Variants in CDH4 observed in about 807,000 individuals in gnomAD.
CDH4 encodes cadherin 4, also known as cadherin-4.
In CDH4, 33 loss-of-function variants were observed where a neutral mutation model predicts 86.0. That is an observed-to-expected ratio of 0.38 (90% CI 0.29 to 0.51). The LOEUF (loss-of-function observed/expected upper bound fraction) is 0.51, where lower values mean the gene tolerates loss of function less well. Among genes scored for constraint, CDH4 ranks in the 20% least tolerant of loss-of-function variants. The probability of loss-of-function intolerance (pLI) is 0.86; values close to 1 mark genes in which losing one functional copy is unlikely to be tolerated. For missense variants in CDH4, 1,114 were observed against 1,307.4 expected (o/e 0.85, Z 2.28); for synonymous variants, 555 against 549.4 (o/e 1.01, Z -0.14).
In CDH4 at chr20:61,254,739, CT is replaced by C. The variant is rs1285553377; in HGVS notation, c.58-83del. The C allele has an allele frequency of 4.5e-6, 4 of 896,556 alleles. No individual in the cohort carries two copies. In the African/African-American group the frequency reaches 6.6e-5, roughly 15 times the overall value. 55.5% of individuals were successfully genotyped at this position (896,556 alleles called of 1,614,324 possible). On this transcript the variant is annotated intron_variant, in intron 1 of 15. Transcript: ENST00000614565. ...CAGCCTTTCTCTCTTAGCCAGAGACCTTTTACACAGCAGGCCCTGGATGAAT... is the reference window on the plus strand; with the variant it reads ...CAGCCTTTCTCTCTTAGCCAGAGACCTTTACACAGCAGGCCCTGGATGAAT...
chr20:61,565,372 G>C (rs1265260423), intron 2 of CDH4, among the ~76,000 whole-genome samples: 23,908 of 62,084 alleles, frequency 0.39, 8,801 homozygotes, highest in African/African-American at 0.71. Context: ...GATGGTGGTG[G>C]TGGTCCTCTT....
intron 2 of CDH4, among the ~76,000 whole-genome samples, chr20:61,498,632 T>C (rs1007482068): frequency 6.6e-6 from 1 of 152,150 alleles, no homozygotes; most frequent in Admixed American, 6.5e-5. Context: ...ACACACGTAG[T>C]TTAACCAGGA....
intron 2 of CDH4, among the ~76,000 whole-genome samples, chr20:61,384,169 T>C (rs6142784): frequency 0.07 from 10,700 of 152,124 alleles, 787 homozygotes; most frequent in East Asian, 0.38. Context: ...TCCCAGCCCA[T>C]TGACTCAAAT....
intron 2 of CDH4, among the ~76,000 whole-genome samples, chr20:61,511,143 A>T (rs931320983): frequency 1.3e-5 from 2 of 152,232 alleles, no homozygotes; most frequent in African/African-American, 4.8e-5. Context: ...CAAATATCCA[A>T]ACTACATCAT....
chr20:61,452,381 A>G (rs1191140260), intron 2 of CDH4, among the ~76,000 whole-genome samples: 3 of 152,178 alleles, frequency 2.0e-5, no homozygotes, highest in Admixed American at 1.3e-4. Context: ...AGCTTTATGT[A>G]GGGAGCTTGA....
At chr20:61,451,179 C>A (rs1180100629) in intron 2 of CDH4, among the ~76,000 whole-genome samples, 2 of 147,320 alleles carry the variant, frequency 1.4e-5, no homozygotes, top group East Asian at 4.0e-4. Flanking sequence ...TCAATAGAGT[C>A]TTGAGTAACT....
rs2087794184 is a variant in CDH4 at position 61,703,164 on chromosome 20, G to C, written c.170-40399G>C. On this transcript the variant is annotated intron_variant, in intron 2 of 15. Coordinates refer to ENST00000614565, the MANE Select transcript of CDH4 (RefSeq NM_001794.5). The surrounding 1 kb of genome is among the most constrained non-coding windows in gnomAD (Gnocchi z 4.3). ...GGCAGAGACCAAGCTGTGATCAGAA[G>C]TGGGGGCTCTTGGACGAGCTCAGAA... 6.6e-6 allele frequency among the ~76,000 whole-genome samples: 1 copy of C among 152,198 alleles called. No homozygotes were observed. The highest frequency in any genetic ancestry group is 2.1e-4 in the South Asian group (1 of 4,822).
At chr20:61,579,452 G>A (rs552318846) in intron 2 of CDH4, among the ~76,000 whole-genome samples, 2 of 151,986 alleles carry the variant, frequency 1.3e-5, no homozygotes, top group Non-Finnish European at 1.5e-5. Context: ...ATGCCTGGCT[G>A]AGTTTTGTAT....
chr20:61,332,570 C>G (rs1232958449), intron 2 of CDH4, among the ~76,000 whole-genome samples: 3 of 152,250 alleles, frequency 2.0e-5, no homozygotes, highest in Non-Finnish European at 4.4e-5. Flanking sequence ...CCACCCTGGG[C>G]AGCAGGCACT....
chr20:61,387,187 GACAC>G (rs1011091660), intron 2 of CDH4, among the ~76,000 whole-genome samples: 1 of 86,520 alleles, frequency 1.2e-5, no homozygotes, highest in South Asian at 2.7e-4. Flanking sequence ...CACACACACA[GACAC>G]ACACACACAA....
At chr20:61,899,346 T>C (rs1412116706) in intron 8 of CDH4, among the ~76,000 whole-genome samples, 3 of 152,088 alleles carry the variant, frequency 2.0e-5, no homozygotes, top group Non-Finnish European at 4.4e-5. Flanking sequence ...AATGCATACA[T>C]GATAAGACAT....
At chr20:61,276,727 T>TG (rs2084233621) in intron 2 of CDH4, among the ~76,000 whole-genome samples, 2 of 152,202 alleles carry the variant, frequency 1.3e-5, no homozygotes, top group African/African-American at 4.8e-5. Flanking sequence ...ATTCCATCAC[T>TG]GTGGCTCTAA....
intron 2 of CDH4, among the ~76,000 whole-genome samples, chr20:61,375,924 G>T (rs2084867413): frequency 6.6e-6 from 1 of 150,806 alleles, no homozygotes; most frequent in African/African-American, 2.4e-5. Flanking sequence ...TGGTCTTGGT[G>T]CTGGTGATGA....
intron 2 of CDH4, among the ~76,000 whole-genome samples, chr20:61,619,475 T>C (rs780233802): frequency 6.6e-6 from 1 of 152,226 alleles, no homozygotes; most frequent in Non-Finnish European, 1.5e-5. Flanking sequence ...AAAATGATGA[T>C]TAGAACTCTC....
intron 2 of CDH4, among the ~76,000 whole-genome samples, chr20:61,285,345 G>A (rs900865417): frequency 6.7e-6 from 1 of 149,220 alleles, no homozygotes; most frequent in African/African-American, 2.6e-5. Context: ...CATAGAGCAG[G>A]GGCAGGCATC....
chr20:61,309,299 G>A (rs2084433030), intron 2 of CDH4, among the ~76,000 whole-genome samples: 1 of 152,132 alleles, frequency 6.6e-6, no homozygotes, highest in African/African-American at 2.4e-5. Flanking sequence ...ACATGGATGG[G>A]GGCGCCTCAC....
At chr20:61,922,689 C>G (rs903677792) in intron 9 of CDH4, among the ~76,000 whole-genome samples, 2 of 152,220 alleles carry the variant, frequency 1.3e-5, no homozygotes, top group African/African-American at 4.8e-5. Context: ...CTGCCTCACT[C>G]CAGACTGCAC....
intron 2 of CDH4, among the ~76,000 whole-genome samples, chr20:61,716,713 A>C (rs1168999744): frequency 6.6e-6 from 1 of 152,200 alleles, no homozygotes; most frequent in Non-Finnish European, 1.5e-5. Context: ...GTTTGAGACC[A>C]GCCTGGCCAA....
rs912700894 is a variant in CDH4 at position 61,902,567 on chromosome 20, C to T, written c.1188+7520C>T. 6.6e-6 allele frequency among the ~76,000 whole-genome samples: 1 copy of T among 152,240 alleles called. No homozygotes were observed. Among genetic ancestry groups the T allele is most frequent in the Admixed American group, 6.5e-5 (1 of 15,290 alleles). On this transcript the variant is annotated intron_variant, in intron 8 of 15. Transcript: ENST00000614565. This position sits in a 1 kb window ranked among gnomAD's most constrained non-coding sequence, Gnocchi z 4.6. ...ATGGTCTGGAGAGTAAATGTTTGCG[C>T]TTTGGCTGCCGGAAGGTCTCCGTGG...
Sources: allele counts gnomAD v4.1 joint callset (sites outside exome capture counted in the v4.1 genomes callset), GRCh38; gene constraint gnomAD v4.1.1; non-coding constraint Gnocchi (gnomAD v3.1); transcripts MANE v1.5; gene names NCBI Gene and HGNC (gene_info 2026-07-23, HGNC 2026-07-21).